LSAMP: variants seen among roughly 807,000 people sequenced by gnomAD.
The protein encoded by LSAMP is limbic system associated membrane protein, also known as limbic system-associated membrane protein.
In LSAMP, 7 loss-of-function variants were observed where a neutral mutation model predicts 38.6. The observed-to-expected ratio is 0.18, with a 90% CI of 0.10 to 0.34. The LOEUF (loss-of-function observed/expected upper bound fraction) is 0.34, where lower values mean the gene tolerates loss of function less well. Among genes scored for constraint, LSAMP ranks in the 10% least tolerant of loss-of-function variants. The pLI is 1.00. For missense variants in LSAMP, 313 were observed against 420.0 expected, an observed-to-expected ratio of 0.75 and a Z score of 2.23; for synonymous variants, 154 against 166.8, an observed-to-expected ratio of 0.92 and a Z score of 0.59.
intron 1 of LSAMP, among the ~76,000 whole-genome samples, chr3:116,255,092 T>C (rs1191161659): frequency 6.6e-6 from 1 of 152,168 alleles, no homozygotes; most frequent in Admixed American, 6.5e-5. Context: ...CTCATTTCAA[T>C]GAAGAGCTCT....
At chr3:116,273,683 C>CATATATATATATATATAT (rs1553719897) in intron 1 of LSAMP, among the ~76,000 whole-genome samples, 1 of 50,526 alleles carries the variant, frequency 2.0e-5, no homozygotes, top group African/African-American at 1.3e-4. Flanking sequence ...GAGAAAGAGG[C>CATATATATATATATATAT]ATATATATAT....
intron 3 of LSAMP, among the ~76,000 whole-genome samples, chr3:115,858,835 G>T (rs1019628644): frequency 1.3e-5 from 2 of 152,172 alleles, no homozygotes; most frequent in African/African-American, 2.4e-5. Context: ...AAAAGATCAC[G>T]AATCAGTGAT....
At chr3:116,056,942 C>CA (rs946112316) in intron 2 of LSAMP, among the ~76,000 whole-genome samples, 11 of 151,442 alleles carry the variant, frequency 7.3e-5, no homozygotes, top group South Asian at 2.1e-4. Flanking sequence ...GAGAATGACA[C>CA]AAAAAAAATG....
chr3:116,069,705 A>G (rs1281780847), intron 2 of LSAMP, among the ~76,000 whole-genome samples: 1 of 152,206 alleles, frequency 6.6e-6, no homozygotes, highest in East Asian at 1.9e-4. Flanking sequence ...AGGGAGATCA[A>G]TTGTGCCATT....
chr3:116,122,633 TAGAA>T (rs1158480084), intron 1 of LSAMP, among the ~76,000 whole-genome samples: 1 of 152,244 alleles, frequency 6.6e-6, no homozygotes, highest in Non-Finnish European at 1.5e-5. Context: ...TACCATTACT[TAGAA>T]AGTTGTGTGA....
At chr3:116,274,977 C>T (rs2047028184) in intron 1 of LSAMP, among the ~76,000 whole-genome samples, 1 of 148,936 alleles carries the variant, frequency 6.7e-6, no homozygotes, top group African/African-American at 2.5e-5. Flanking sequence ...AAACTGCTGC[C>T]CAGAGCAACT....
intron 1 of LSAMP, among the ~76,000 whole-genome samples, chr3:116,132,131 C>T (rs769279807): frequency 1.3e-5 from 2 of 151,938 alleles, no homozygotes; most frequent in Non-Finnish European, 2.9e-5. Context: ...CCTGGCCTTG[C>T]TCCCAAATTT....
At chr3:115,856,277 T>G (rs1935503731) in intron 3 of LSAMP, among the ~76,000 whole-genome samples, 1 of 152,074 alleles carries the variant, frequency 6.6e-6, no homozygotes, top group East Asian at 1.9e-4. Flanking sequence ...TGGAGGTGAT[T>G]AGGTCATGAA....
chr3:115,912,889 C>T (rs2107508098), intron 3 of LSAMP, among the ~76,000 whole-genome samples: 1 of 152,300 alleles, frequency 6.6e-6, no homozygotes, highest in Middle Eastern at 3.4e-3. Context: ...TATGGCCATG[C>T]TGTTCCTTAC....
intron 1 of LSAMP, among the ~76,000 whole-genome samples, chr3:116,415,529 G>C (rs1021881671): frequency 6.6e-6 from 1 of 152,068 alleles, no homozygotes; most frequent in Non-Finnish European, 1.5e-5. Flanking sequence ...TGATCTAGAG[G>C]AGGGAGACTG....
intron 3 of LSAMP, among the ~76,000 whole-genome samples, chr3:115,894,917 T>C: frequency 6.6e-6 from 1 of 152,042 alleles, no homozygotes; most frequent in East Asian, 1.9e-4. Flanking sequence ...TATTTGCACT[T>C]GGCTGTCAAA....
chr3:116,101,554 G>A (rs1708347927), intron 1 of LSAMP, among the ~76,000 whole-genome samples: 1 of 152,122 alleles, frequency 6.6e-6, no homozygotes, highest in Non-Finnish European at 1.5e-5. Flanking sequence ...TTTGTGTTGA[G>A]AAGGTTCAAT....
chr3:116,171,600 C>G (rs1710201110), intron 1 of LSAMP, among the ~76,000 whole-genome samples: 1 of 152,004 alleles, frequency 6.6e-6, no homozygotes, highest in African/African-American at 2.4e-5. Context: ...CAAATAAAAG[C>G]ACAACTTCTT....
At chr3:116,096,407 G>A (rs186856046) in intron 1 of LSAMP, among the ~76,000 whole-genome samples, 83 of 152,290 alleles carry the variant, frequency 5.5e-4, no homozygotes, top group African/African-American at 2.0e-3. Context: ...GCATTTTCAG[G>A]GAAACCCCCT....
chr3:116,117,512 C>A lies in LSAMP; in HGVS notation c.156-30956G>T, dbSNP rs550907781. On this transcript the variant is annotated intron_variant, in intron 1 of 6. Transcript: ENST00000490035. Reference sequence around the variant, plus strand: ...ACATTCGTATTAAGTAACATTCATACCTTATTTACATTTTCATAATATTTT... The same window carrying A: ...ACATTCGTATTAAGTAACATTCATAACTTATTTACATTTTCATAATATTTT... 2.0e-5 allele frequency among the ~76,000 whole-genome samples: 3 copies of A among 152,230 alleles called. No individual in the cohort carries two copies. In the South Asian group the frequency reaches 6.2e-4, roughly 32 times the overall value.
At chr3:115,918,442 C>G (rs1343729714) in intron 3 of LSAMP, among the ~76,000 whole-genome samples, 1 of 152,172 alleles carries the variant, frequency 6.6e-6, no homozygotes, top group Non-Finnish European at 1.5e-5. Flanking sequence ...ATGATAACCT[C>G]TTAGAATAGC....
At chr3:116,123,877 A>C (rs1275021029) in intron 1 of LSAMP, among the ~76,000 whole-genome samples, 1 of 152,204 alleles carries the variant, frequency 6.6e-6, no homozygotes, top group Non-Finnish European at 1.5e-5. Context: ...TGGAGAAAAG[A>C]CTATTCACTA....
intron 1 of LSAMP, among the ~76,000 whole-genome samples, chr3:116,237,470 A>T (rs943448156): frequency 6.6e-6 from 1 of 152,218 alleles, no homozygotes; most frequent in Non-Finnish European, 1.5e-5. Flanking sequence ...TTAGCAATAC[A>T]TTCAAGGTAA....
intron 1 of LSAMP, among the ~76,000 whole-genome samples, chr3:116,275,008 A>G (rs1233997945): frequency 1.3e-5 from 2 of 151,760 alleles, no homozygotes; most frequent in African/African-American, 4.8e-5. Context: ...TGCAGCTTAA[A>G]ACTTTTGTTG....
Sources: gnomAD v4.1 joint callset for allele counts (sites outside exome capture counted in the v4.1 genomes callset) on GRCh38, gnomAD v4.1.1 for gene constraint, MANE v1.5 for transcripts, NCBI Gene and HGNC (gene_info 2026-07-23, HGNC 2026-07-21) for gene names.